The following KCTD17 variants were observed in gnomAD, a reference collection of about 807,000 sequenced individuals.
The protein encoded by KCTD17 is potassium channel tetramerization domain containing 17.
A neutral mutation model predicts 41.5 loss-of-function variants in KCTD17; 20 were observed. The ratio of observed to expected loss-of-function variants is 0.48; its 90% CI spans 0.34 to 0.70. The LOEUF (loss-of-function observed/expected upper bound fraction) is 0.70, where lower values mean the gene tolerates loss of function less well. KCTD17 is among the 30% of genes least tolerant of loss of function. KCTD17 has a pLI of 0.01. For synonymous variants in KCTD17, 156 were observed against 173.8 expected (o/e 0.90, Z 0.80); for missense variants, 317 against 427.2 (o/e 0.74, Z 2.27).
In KCTD17 at chr22:37,061,866, G is replaced by C. The variant is rs1284035548; in HGVS notation, c.875+237G>C. ...GGGGAGGGAGGGACCGCTGAAGCCA[G>C]AGGCCCTGGCCAAGTCCCTGCACAT... is the stretch of plus-strand genomic sequence containing the variant. On this transcript the variant is annotated intron_variant, in intron 8 of 8. Coordinates refer to ENST00000403888, the MANE Select transcript of KCTD17 (RefSeq NM_001282684.2). This position sits in a 1 kb window ranked among gnomAD's most constrained non-coding sequence, Gnocchi z 6.6. 4.1e-6 allele frequency: 4 copies of C among 985,310 alleles called. No homozygotes were observed. In the East Asian group the frequency reaches 3.4e-4, roughly 84 times the overall value. 61.0% of individuals were successfully genotyped at this position (985,310 alleles called of 1,614,324 possible).
chr22:37,052,073 G>A (rs1924554264), intron 1 of KCTD17, 124 bp downstream of exon 1: 1 of 1,209,202 alleles, frequency 8.3e-7, no homozygotes, highest in Admixed American at 4.0e-5. Context: ...AGGAACTGGA[G>A]GCGGGAAGAA....
chr22:37,061,516 C>G lies in KCTD17; in HGVS notation c.785-23C>G. 1.3e-6 allele frequency: 2 copies of G among 1,597,014 alleles called. No homozygotes were observed. Among genetic ancestry groups the G allele is most frequent in the Non-Finnish European group, 1.7e-6 (2 of 1,177,702 alleles). ...CCCCCCCTCCTCTCCTCCCGGCCTC[C>G]TCCTCACGTTTCCTCCTTGCAGGTT... On this transcript the variant is annotated intron_variant, in intron 7 of 8. Coordinates refer to ENST00000403888, the MANE Select transcript of KCTD17 (RefSeq NM_001282684.2). This position sits in a 1 kb window ranked among gnomAD's most constrained non-coding sequence, Gnocchi z 6.6.
chr22:37,062,159 T>A, intron 8 of KCTD17: 1 of 985,396 alleles, frequency 1.0e-6, no homozygotes, highest in Non-Finnish European at 1.2e-6. Flanking sequence ...CTGTGGCTTC[T>A]TTCGCCTGGG....
chr22:37,063,266 T>C lies in KCTD17; in HGVS notation c.*672T>C, dbSNP rs1925993371. On this transcript the variant is annotated 3_prime_UTR_variant, in exon 9 of 9. Transcript: ENST00000403888. This position sits in a 1 kb window ranked among gnomAD's most constrained non-coding sequence, Gnocchi z 4.6. ...CAGGGGCGGTGGAGGACTCAGGAAC[T>C]GCCCGGGGAGAGTGGGTATGGCGGC... 6.6e-6 allele frequency: 1 copy of C among 152,414 alleles called. No homozygotes were observed. Among genetic ancestry groups the C allele is most frequent in the Non-Finnish European group, 1.5e-5 (1 of 68,268 alleles). 9.4% of individuals were successfully genotyped at this position (152,414 alleles called of 1,614,324 possible).
At chr22:37,059,247 GTCGTA>G in intron 4 of KCTD17, 61 bp from the exon 5 acceptor site, 1 of 1,599,570 alleles carries the variant, frequency 6.3e-7, no homozygotes, top group African/African-American at 1.3e-5. Flanking sequence ...GCCGAGGTCT[GTCGTA>G]TCCTGCCCCA....
At position 37,061,492 on chromosome 22, in the gene KCTD17, C is replaced by T. The variant is rs1925783352; in HGVS notation, c.785-47C>T. ...ACTGGGCCCTGGCTGCAGGCCCTGC[C>T]CCCCCTCCTCTCCTCCCGGCCTCCT... On this transcript the variant is annotated intron_variant, in intron 7 of 8. Coordinates refer to ENST00000403888, the MANE Select transcript of KCTD17 (RefSeq NM_001282684.2). The surrounding 1 kb of genome is among the most constrained non-coding windows in gnomAD (Gnocchi z 6.6). 2.5e-6 allele frequency: 4 copies of T among 1,570,650 alleles called. No homozygotes were observed. Among genetic ancestry groups the T allele is most frequent in the East Asian group, 2.3e-5 (1 of 43,384 alleles).
rs567807295 is a variant in KCTD17, at chr22:37,053,458, G to A, written c.298+250G>A. On this transcript the variant is annotated intron_variant, in intron 2 of 8. Coordinates refer to ENST00000403888, the MANE Select transcript of KCTD17 (RefSeq NM_001282684.2). This position sits in a 1 kb window ranked among gnomAD's most constrained non-coding sequence, Gnocchi z 4.1. ...AGAGACACATGTGCAGGGGATAGAG[G>A]AAGTCAGCGAGGCCCTGTGGCCTCT... Among the ~76,000 whole-genome samples the A allele has an allele frequency of 6.6e-6, 1 of 152,372 alleles. No homozygotes were observed. The highest frequency in any genetic ancestry group is 2.1e-4 in the South Asian group (1 of 4,830).
At chr22:37,059,664 T>A in intron 5 of KCTD17, 1 of 608,376 alleles carries the variant, frequency 1.6e-6, no homozygotes, top group Non-Finnish European at 2.9e-6. Flanking sequence ...GCAGCCGGCG[T>A]GGACTCAGAG....
intron 2 of KCTD17, among the ~76,000 whole-genome samples, chr22:37,054,227 C>A (rs956498500): frequency 6.6e-6 from 1 of 152,190 alleles, no homozygotes; most frequent in Admixed American, 6.5e-5. Context: ...TAGGGGAGCA[C>A]AGATACCATG....
At chr22:37,062,290 G>A (rs1049865313) in intron 8 of KCTD17, 2 of 985,000 alleles carry the variant, frequency 2.0e-6, no homozygotes, top group Non-Finnish European at 2.4e-6. Flanking sequence ...GCTCCTGGAT[G>A]GGTTAGTTGG....
chr22:37,057,369 T>C, intron 3 of KCTD17, 29 bp from the exon 4 acceptor site: 1 of 1,588,834 alleles, frequency 6.3e-7, no homozygotes. Context: ...CTCCCACAGG[T>C]GCCCTCTATG....
chr22:37,056,624 GTC>G (rs1286729895), intron 3 of KCTD17, among the ~76,000 whole-genome samples: 1 of 152,172 alleles, frequency 6.6e-6, no homozygotes, highest in Non-Finnish European at 1.5e-5. Flanking sequence ...TTCAGTCCCT[GTC>G]TCAGCCCCAT....
In KCTD17 at chr22:37,056,218, G is replaced by A. The variant is rs117279873; in HGVS notation, c.299-102G>A. 809 of 885,760 alleles carry A rather than the reference G, an allele frequency of 9.1e-4. 9 individuals are homozygous for A. In the East Asian group the frequency reaches 0.02, roughly 22 times the overall value. 54.9% of individuals were successfully genotyped at this position (885,760 alleles called of 1,614,324 possible). A position where few individuals can be genotyped will look rare whatever the true frequency, so the allele number is the denominator to read the frequency against. On this transcript the variant is annotated intron_variant, in intron 2 of 8. Coordinates refer to ENST00000403888, the MANE Select transcript of KCTD17 (RefSeq NM_001282684.2). The stretch of plus-strand genomic sequence containing the variant: ...CAGACACTCAGCTCACCCTCAGGGC[G>A]GGTGATCAGAGCGAGAGGTGGGTTT...
At chr22:37,060,181 G>C (rs530750560) in intron 5 of KCTD17, among the ~76,000 whole-genome samples, 2 of 152,350 alleles carry the variant, frequency 1.3e-5, no homozygotes, top group African/African-American at 4.8e-5. Flanking sequence ...CGTGAACCAG[G>C]CTGGGAAGAA....
chr22:37,057,542 A>G, intron 4 of KCTD17, 49 bp downstream of exon 4: 1 of 1,480,640 alleles, frequency 6.8e-7, no homozygotes, highest in Non-Finnish European at 9.3e-7. Flanking sequence ...GGGACCTCCT[A>G]GCCTCTGACC....
Position 37,061,454 on chromosome 22 carries a change from G to A in KCTD17, c.785-85G>A, listed in dbSNP as rs538657756. 1.8e-5 allele frequency: 27 copies of A among 1,517,080 alleles called. No homozygotes were observed. The highest frequency in any genetic ancestry group is 1.2e-4 in the African/African-American group (9 of 73,012). The allele number at this position is 1,517,080 out of a possible 1,614,324, so 94.0% of individuals were successfully genotyped here. On this transcript the variant is annotated intron_variant, in intron 7 of 8. Transcript: ENST00000403888. The surrounding 1 kb of genome is among the most constrained non-coding windows in gnomAD (Gnocchi z 6.6). Reference sequence around the variant, plus strand: ...CTCCTCTGTGCCCACTAACCCTGCCGGGCACCTCTGAGACTGGGCCCTGGC... The same window carrying A: ...CTCCTCTGTGCCCACTAACCCTGCCAGGCACCTCTGAGACTGGGCCCTGGC...
Position 37,060,880 on chromosome 22 carries a change from G to C in KCTD17, c.670G>C (p.Glu224Gln), listed in dbSNP as rs1321695454. The C allele has an allele frequency of 6.5e-7, 1 of 1,539,624 alleles. No homozygotes were observed. Among genetic ancestry groups the C allele is most frequent in the African/African-American group, 1.4e-5 (1 of 72,940 alleles). ...GCAGGAGGAGGAGGTGGAGGAGGTG[G>C]AGGTGGAACAGGTGCAGGTGGAGGC... ...QQQEEEVEEVEVEQVQVEADA... is the reference protein window; with the variant it reads ...QQQEEEVEEVQVEQVQVEADA... Residue 224 changes from glutamate to glutamine, a missense_variant, in exon 6 of 9, where the codon GAG (glutamate) becomes CAG (glutamine). Around this residue, in one of 4 missense-constraint regions of KCTD17, gnomAD observed 177 missense variants for 194.4 expected, o/e 0.91. Transcript: ENST00000403888.
At chr22:37,057,786 G>A (rs1195583312) in intron 4 of KCTD17, among the ~76,000 whole-genome samples, 1 of 152,246 alleles carries the variant, frequency 6.6e-6, no homozygotes, top group African/African-American at 2.4e-5. Flanking sequence ...GCATGAGTGA[G>A]TCTGTGGCCC....
At position 37,061,370 on chromosome 22, in the gene KCTD17, C is replaced by T; in HGVS notation, c.785-169C>T. 1.4e-6 allele frequency: 2 copies of T among 1,475,292 alleles called. No individual in the cohort carries two copies. The highest frequency in any genetic ancestry group is 1.4e-5 in the South Asian group (1 of 72,994). 91.4% of individuals were successfully genotyped at this position (1,475,292 alleles called of 1,614,324 possible). The stretch of plus-strand genomic sequence containing the variant: ...TCCCAGAGCGTCCTGCCTGCCGCCT[C>T]CTGCGCCCCTTCTGGTACCTCCTGC... On this transcript the variant is annotated intron_variant, in intron 7 of 8. Transcript: ENST00000403888. This position sits in a 1 kb window ranked among gnomAD's most constrained non-coding sequence, Gnocchi z 6.6.
Sources: allele counts gnomAD v4.1 joint callset (sites outside exome capture counted in the v4.1 genomes callset), GRCh38; gene constraint gnomAD v4.1.1; regional missense constraint gnomAD v4.1.1; non-coding constraint Gnocchi (gnomAD v3.1); transcripts MANE v1.5; gene names NCBI Gene and HGNC (gene_info 2026-07-23, HGNC 2026-07-21).